GRIK5: variants seen among roughly 807,000 people sequenced by gnomAD.
GRIK5 encodes glutamate receptor ionotropic, kainate 5.
Under a neutral mutation model 97.4 loss-of-function variants are expected in GRIK5, and 43 were observed. The observed-to-expected ratio is 0.44, with a 90% confidence interval of 0.35 to 0.57. The LOEUF (loss-of-function observed/expected upper bound fraction) is 0.57. Among genes scored for constraint, GRIK5 ranks in the 20% least tolerant of loss-of-function variants. The probability of loss-of-function intolerance (pLI) is 0.01; values close to 1 mark genes in which losing one functional copy is unlikely to be tolerated. For missense variants in GRIK5, 1,015 were observed against 1,382.0 expected (o/e 0.73, Z 4.21); for synonymous variants, 580 against 583.5 (o/e 0.99, Z 0.09).
At chr19:42,013,510 C>T (rs1030372625) in intron 15 of GRIK5, among the ~76,000 whole-genome samples, 8 of 149,092 alleles carry the variant, frequency 5.4e-5, no homozygotes, top group Non-Finnish European at 8.9e-5. Flanking sequence ...CCCAGGTTCG[C>T]GCCATTCTCC....
intron 12 of GRIK5, among the ~76,000 whole-genome samples, chr19:42,037,883 A>G (rs1312404498): frequency 6.6e-6 from 1 of 152,226 alleles, no homozygotes; most frequent in African/African-American, 2.4e-5. Flanking sequence ...CCTGTGGGAC[A>G]GCTAAGGCCC....
chr19:42,002,607 TG>T lies in GRIK5; in HGVS notation c.2514+724del. The T allele has an allele frequency of 1.6e-6, 1 of 631,254 alleles. No individual in the cohort carries two copies. The highest frequency in any genetic ancestry group is 2.9e-6 in the Non-Finnish European group (1 of 345,416). 39.1% of individuals were successfully genotyped at this position (631,254 alleles called of 1,614,324 possible). ...AGGAGGGGGAGGAAGGGCTGGAGGC[TG>T]ACAGAGAGAGGGGAAGCAGGGAACC... On this transcript the variant is annotated intron_variant, in intron 19 of 19. Coordinates refer to ENST00000593562, the MANE Select transcript of GRIK5 (RefSeq NM_002088.5). This position sits in a 1 kb window ranked among gnomAD's most constrained non-coding sequence, Gnocchi z 5.2.
intron 15 of GRIK5, among the ~76,000 whole-genome samples, chr19:42,008,981 C>T (rs1482270878): frequency 6.6e-6 from 1 of 152,068 alleles, no homozygotes; most frequent in African/African-American, 2.4e-5. Context: ...AATCCTAGCA[C>T]ACTGGGAGGC....
At chr19:42,028,781 C>T (rs148184386) in intron 12 of GRIK5, among the ~76,000 whole-genome samples, 17 of 152,364 alleles carry the variant, frequency 1.1e-4, no homozygotes, top group African/African-American at 4.1e-4. Flanking sequence ...GGCCCTTGGG[C>T]CAAGTCCAGC....
intron 9 of GRIK5, 72 bp from the exon 10 acceptor site, chr19:42,054,001 G>T: frequency 1.0e-6 from 1 of 996,982 alleles, no homozygotes; most frequent in Non-Finnish European, 1.6e-6. Flanking sequence ...GCCCAACGTG[G>T]TGAGACATCC....
intron 5 of GRIK5, among the ~76,000 whole-genome samples, chr19:42,060,037 A>G (rs971022024): frequency 6.6e-6 from 1 of 151,972 alleles, no homozygotes; most frequent in African/African-American, 2.4e-5. Flanking sequence ...TCTGTTCCCT[A>G]CACAGCAGCC....
In GRIK5 at chr19:42,042,819, G is replaced by A; in HGVS notation, c.1270-64C>T. The A allele has an allele frequency of 3.8e-6, 5 of 1,313,146 alleles. No individual in the cohort carries two copies. The highest frequency in any genetic ancestry group is 2.4e-5 in the East Asian group (1 of 42,056). 81.3% of individuals were successfully genotyped at this position (1,313,146 alleles called of 1,614,324 possible). ...GTCTAGTGGCTGGGTTGCGGATCCT[G>A]GAGCCCGGACCAGGCAGGTAGAGCA... On this transcript the variant is annotated intron_variant, in intron 11 of 19. Coordinates refer to ENST00000593562, the MANE Select transcript of GRIK5 (RefSeq NM_002088.5). This position sits in a 1 kb window ranked among gnomAD's most constrained non-coding sequence, Gnocchi z 6.9.
rs1489709474 is a variant in GRIK5, at chr19:42,003,079, T to C, written c.2514+253A>G. Among the ~76,000 whole-genome samples the C allele has an allele frequency of 1.3e-5, 2 of 151,986 alleles. No individual in the cohort carries two copies. The highest frequency in any genetic ancestry group is 2.9e-5 in the Non-Finnish European group (2 of 67,990). The stretch of plus-strand genomic sequence containing the variant: ...CTTCTTGCTTTTCTGCCTCTGTGGC[T>C]CCCCACATCCTGTCCCTCACCTCCT... On this transcript the variant is annotated intron_variant, in intron 19 of 19. Coordinates refer to ENST00000593562, the MANE Select transcript of GRIK5 (RefSeq NM_002088.5). This position sits in a 1 kb window ranked among gnomAD's most constrained non-coding sequence, Gnocchi z 4.2.
chr19:42,058,994 T>C (rs1254178681), intron 6 of GRIK5, among the ~76,000 whole-genome samples: 1 of 152,050 alleles, frequency 6.6e-6, no homozygotes, highest in Admixed American at 6.5e-5. Flanking sequence ...GCCCCTTCTC[T>C]CCCCATCACT....
chr19:42,051,284 A>G (rs568747581), intron 11 of GRIK5, among the ~76,000 whole-genome samples: 80 of 151,960 alleles, frequency 5.3e-4, no homozygotes, highest in African/African-American at 1.8e-3. Context: ...TCTCTATCTC[A>G]GCGCCAGCCC....
At chr19:42,023,503 CATGGTGGCCACATCCTCAT>C (rs2075728931) in intron 12 of GRIK5, among the ~76,000 whole-genome samples, 1 of 152,212 alleles carries the variant, frequency 6.6e-6, no homozygotes, top group African/African-American at 2.4e-5. Context: ...CAAGGCCCTG[CATGGTGGCCACATCCTCAT>C]TTCAGAGAGG....
chr19:42,008,712 T>C (rs1024178410), intron 15 of GRIK5, among the ~76,000 whole-genome samples: 1 of 151,978 alleles, frequency 6.6e-6, no homozygotes, highest in African/African-American at 2.4e-5. Flanking sequence ...AGACCCAGAA[T>C]TGACATAGAT....
At chr19:42,005,098 C>T (rs1280482762) in intron 17 of GRIK5, among the ~76,000 whole-genome samples, 3 of 152,052 alleles carry the variant, frequency 2.0e-5, no homozygotes, top group South Asian at 2.1e-4. Flanking sequence ...AGCCAAAATG[C>T]CAAAATTTGG....
intron 12 of GRIK5, among the ~76,000 whole-genome samples, chr19:42,040,685 G>A (rs2075966844): frequency 6.6e-6 from 1 of 151,988 alleles, no homozygotes; most frequent in Non-Finnish European, 1.5e-5. Flanking sequence ...GATGAAACCT[G>A]TTGCTCCAAA....
chr19:42,057,388 T>A (rs75979123), intron 6 of GRIK5, among the ~76,000 whole-genome samples: 3 of 151,550 alleles, frequency 2.0e-5, no homozygotes, highest in Non-Finnish European at 2.9e-5. Context: ...TTTTTTTTTT[T>A]AAAGACAAGA....
chr19:42,068,548 G>C (rs2076373975), intron 1 of GRIK5: 1 of 401,368 alleles, frequency 2.5e-6, no homozygotes, highest in East Asian at 3.6e-5. Context: ...AAAAGTGACA[G>C]AGGGAAGACA....
chr19:42,030,843 C>A (rs1428135199), intron 12 of GRIK5, among the ~76,000 whole-genome samples: 1 of 152,166 alleles, frequency 6.6e-6, no homozygotes, highest in African/African-American at 2.4e-5. Context: ...TTAATGCCAA[C>A]TGCACTGACT....
At chr19:42,009,182 G>A (rs1247354607) in intron 15 of GRIK5, among the ~76,000 whole-genome samples, 4 of 152,090 alleles carry the variant, frequency 2.6e-5, no homozygotes, top group Admixed American at 6.6e-5. Context: ...GAGCCTGGTC[G>A]TCACTGCACT....
In GRIK5 at chr19:42,021,051, T is replaced by C. The variant is rs1377921589; in HGVS notation, c.1871+250A>G. ...ACTGAATCCTCACAACCCTGAGACA[T>C]GGGCATCTTTCTCCCCATCTTTCAG... is the stretch of plus-strand genomic sequence containing the variant. On this transcript the variant is annotated intron_variant, in intron 15 of 19. Transcript: ENST00000593562. This position sits in a 1 kb window ranked among gnomAD's most constrained non-coding sequence, Gnocchi z 4.2. Among the ~76,000 whole-genome samples the C allele has an allele frequency of 6.6e-6, 1 of 152,156 alleles. No individual in the cohort carries two copies. The highest frequency in any genetic ancestry group is 1.5e-5 in the Non-Finnish European group (1 of 68,034).
Sources: allele counts gnomAD v4.1 joint callset (sites outside exome capture counted in the v4.1 genomes callset), GRCh38; gene constraint gnomAD v4.1.1; non-coding constraint Gnocchi (gnomAD v3.1); transcripts MANE v1.5; gene names NCBI Gene and HGNC (gene_info 2026-07-23, HGNC 2026-07-21).